NEO1: variants seen among roughly 807,000 people sequenced by gnomAD.
NEO1 encodes neogenin 1.
In NEO1, 63 loss-of-function variants were observed where a neutral mutation model predicts 159.7. That is an observed-to-expected ratio of 0.39 (90% CI 0.32 to 0.49). The LOEUF is 0.49. Ranked by LOEUF, NEO1 falls within the 20% of genes least tolerant of loss-of-function variation. NEO1 has a pLI of 0.85. For synonymous variants in NEO1, 633 were observed against 662.0 expected, an observed-to-expected ratio of 0.96 and a Z score of 0.67; for missense variants, 1,615 against 1,831.0, an observed-to-expected ratio of 0.88 and a Z score of 2.15.
At chr15:73,265,564 T>C (rs1456567984) in intron 15 of NEO1, among the ~76,000 whole-genome samples, 2 of 152,216 alleles carry the variant, frequency 1.3e-5, no homozygotes, top group Non-Finnish European at 2.9e-5. Context: ...ATGTGTATTA[T>C]GGTTGCTCTT....
chr15:73,162,011 G>T, intron 5 of NEO1: 1 of 234,978 alleles, frequency 4.3e-6, no homozygotes, highest in Non-Finnish European at 8.7e-6. Flanking sequence ...TCTTGGTGTT[G>T]ATGGTTTTGA....
intron 7 of NEO1, among the ~76,000 whole-genome samples, chr15:73,219,982 A>G (rs1380464351): frequency 6.6e-6 from 1 of 150,724 alleles, no homozygotes; most frequent in Admixed American, 6.6e-5. Flanking sequence ...TTAGCTGGTT[A>G]TTTTGCTCGT....
Position 73,277,316 on chromosome 15 carries a change from G to A in NEO1, c.3194-815G>A, listed in dbSNP as rs145404773. On this transcript the variant is annotated intron_variant, in intron 21 of 28. Coordinates refer to ENST00000261908, the MANE Select transcript of NEO1 (RefSeq NM_002499.4). ...TTTGCTTTATTGGAAAAAGGTCCTC[G>A]TATTTGCTTTTCCCAAGCAGCTTTT... 1.1e-3 allele frequency among the ~76,000 whole-genome samples: 170 copies of A among 152,248 alleles called. 4 individuals carry two copies. The East Asian group carries it at 0.025, about 22-fold the overall frequency.
At chr15:73,058,605 G>A (rs560590590) in intron 1 of NEO1, among the ~76,000 whole-genome samples, 42 of 152,252 alleles carry the variant, frequency 2.8e-4, no homozygotes, top group African/African-American at 9.9e-4. Flanking sequence ...GGGGGTCAGG[G>A]TTCCATTTAT....
chr15:73,281,502 G>C (rs752252721), intron 22 of NEO1, among the ~76,000 whole-genome samples: 4 of 152,016 alleles, frequency 2.6e-5, no homozygotes, highest in Non-Finnish European at 5.9e-5. Context: ...TGATCCACCC[G>C]CCTCGGCCTC....
At chr15:73,171,898 C>T (rs1372627191) in intron 5 of NEO1, among the ~76,000 whole-genome samples, 5 of 152,036 alleles carry the variant, frequency 3.3e-5, no homozygotes, top group Non-Finnish European at 5.9e-5. Flanking sequence ...GCCTCGGCCC[C>T]ACTAAGTGCC....
intron 1 of NEO1, among the ~76,000 whole-genome samples, chr15:73,070,035 T>G (rs2068458280): frequency 2.0e-5 from 3 of 152,208 alleles, no homozygotes; most frequent in Admixed American, 1.3e-4. Context: ...CTTCAATATG[T>G]TGGCATGGGG....
At chr15:73,227,912 GT>G (rs997614206) in intron 7 of NEO1, among the ~76,000 whole-genome samples, 1 of 152,212 alleles carries the variant, frequency 6.6e-6, no homozygotes, top group Non-Finnish European at 1.5e-5. Context: ...GTCCTGAGAT[GT>G]TTAGACTTAT....
At chr15:73,245,226 A>C (rs781377104) in intron 9 of NEO1, among the ~76,000 whole-genome samples, 2 of 152,106 alleles carry the variant, frequency 1.3e-5, no homozygotes, top group Non-Finnish European at 2.9e-5. Flanking sequence ...ACAGTGTCTA[A>C]TGTAATGCCT....
intron 7 of NEO1, 168 bp from the exon 8 acceptor site, chr15:73,236,179 C>A: frequency 2.4e-6 from 2 of 835,500 alleles, no homozygotes; most frequent in Non-Finnish European, 3.7e-6. Context: ...TATTTTATTT[C>A]CCATCGTGGT....
At chr15:73,135,847 T>G (rs2031691392) in intron 4 of NEO1, 44 bp from the exon 5 acceptor site, 1 of 1,444,066 alleles carries the variant, frequency 6.9e-7, no homozygotes, top group Admixed American at 2.9e-5. Flanking sequence ...ATTATTTTCC[T>G]AGTACTGAAA....
At chr15:73,211,712 T>G (rs184759371) in intron 7 of NEO1, among the ~76,000 whole-genome samples, 177 of 152,196 alleles carry the variant, frequency 1.2e-3, no homozygotes, top group Admixed American at 2.3e-3. Flanking sequence ...AGACTCCATC[T>G]CAAAAGAAAA....
intron 5 of NEO1, among the ~76,000 whole-genome samples, chr15:73,171,976 T>A (rs2035004125): frequency 6.6e-6 from 1 of 152,128 alleles, no homozygotes; most frequent in African/African-American, 2.4e-5. Context: ...GATGATGGTA[T>A]CATGGTTATG....
chr15:73,185,964 A>G (rs958482862), intron 7 of NEO1, among the ~76,000 whole-genome samples: 2 of 152,096 alleles, frequency 1.3e-5, no homozygotes, highest in African/African-American at 2.4e-5. Flanking sequence ...CACAACCAAA[A>G]AGAAGCTCAG....
chr15:73,116,848 A>T lies in NEO1; in HGVS notation c.439A>T (p.Ile147Leu), dbSNP rs1328795151. The T allele has an allele frequency of 3.2e-6, 5 of 1,541,000 alleles. No homozygotes were observed. The highest frequency in any genetic ancestry group is 4.4e-6 in the Non-Finnish European group (5 of 1,148,374). ...GTIISRTAKL[I>L]VAGLPRFTSQ... ...TATTATCAGTAGAACAGCGAAGCTCATAGTAGCAGGTAAGTTTTAAGTGAT... is the reference window on the plus strand; with the variant it reads ...TATTATCAGTAGAACAGCGAAGCTCTTAGTAGCAGGTAAGTTTTAAGTGAT... The change falls in exon 2 of 29, where the codon ATA becomes TTA. Residue 147 changes from isoleucine to leucine, a missense_variant. By Grantham distance (5) the Ile-to-Leu change is conservative. Coordinates refer to ENST00000261908, the MANE Select transcript of NEO1 (RefSeq NM_002499.4).
chr15:73,101,469 T>G (rs985035306), intron 1 of NEO1, among the ~76,000 whole-genome samples: 9 of 152,240 alleles, frequency 5.9e-5, no homozygotes, highest in Admixed American at 5.9e-4. Context: ...CTGTTTGTAC[T>G]CTGATCTGCA....
chr15:73,078,804 T>A lies in NEO1; in HGVS notation c.130+25999T>A, dbSNP rs138445762. On this transcript the variant is annotated intron_variant, in intron 1 of 28. Transcript: ENST00000261908. ...TTAGGCAAGCTGGTTAACCTCTCTG[T>A]GCTTTAGTTTTCTCATGTGTAAAGC... 2.3e-3 allele frequency among the ~76,000 whole-genome samples: 349 copies of A among 152,354 alleles called. 1 individual carries two copies. The highest frequency in any genetic ancestry group is 4.3e-3 in the Admixed American group (66 of 15,304).
intron 7 of NEO1, 28 bp from the exon 8 acceptor site, chr15:73,236,319 C>A (rs766304313): frequency 3.1e-6 from 5 of 1,614,062 alleles, no homozygotes; most frequent in Non-Finnish European, 4.2e-6. Flanking sequence ...TCCCACTTCA[C>A]TGACCAGTGC....
At chr15:73,062,977 C>A (rs910606456) in intron 1 of NEO1, among the ~76,000 whole-genome samples, 1 of 152,120 alleles carries the variant, frequency 6.6e-6, no homozygotes, top group Admixed American at 6.5e-5. Context: ...AAGCCTGGGG[C>A]AAAGACTTAG....
Sources: allele counts gnomAD v4.1 joint callset (sites outside exome capture counted in the v4.1 genomes callset), GRCh38; gene constraint gnomAD v4.1.1; transcripts MANE v1.5; gene names NCBI Gene and HGNC (gene_info 2026-07-23, HGNC 2026-07-21).